Variants in EMCN observed in about 807,000 individuals in gnomAD.
EMCN encodes the protein endomucin.
EMCN carries 37 observed loss-of-function variants against 38.4 expected under a neutral mutation model. That is an observed-to-expected ratio of 0.96 (90% CI 0.74 to 1.27). EMCN has a LOEUF of 1.27. EMCN is among the 50% of genes most tolerant of loss of function. The pLI is 0.00. For missense variants in EMCN, 318 were observed against 302.8 expected, an observed-to-expected ratio of 1.05 and a Z score of -0.37; for synonymous variants, 95 against 100.8, an observed-to-expected ratio of 0.94 and a Z score of 0.35.
chr4:100,510,002 T>C (rs557664547), intron 1 of EMCN, among the ~76,000 whole-genome samples: 1 of 152,346 alleles, frequency 6.6e-6, no homozygotes, highest in East Asian at 1.9e-4. Flanking sequence ...ATCTTTCTTC[T>C]CATTTTTTAC....
At chr4:100,414,544 A>C (rs1726659920) in intron 10 of EMCN, among the ~76,000 whole-genome samples, 1 of 151,896 alleles carries the variant, frequency 6.6e-6, no homozygotes, top group South Asian at 2.1e-4. Context: ...GAATAAAGGA[A>C]ATATGTGTAT....
At chr4:100,415,650 G>T (rs1329738020) in intron 10 of EMCN, among the ~76,000 whole-genome samples, 1 of 152,042 alleles carries the variant, frequency 6.6e-6, no homozygotes, top group Non-Finnish European at 1.5e-5. Flanking sequence ...AATAGGAAAT[G>T]CCTCCAGCCA....
intron 3 of EMCN, among the ~76,000 whole-genome samples, chr4:100,467,292 C>G (rs1728342294): frequency 6.6e-6 from 1 of 152,080 alleles, no homozygotes; most frequent in Non-Finnish European, 1.5e-5. Context: ...CTGCCACAGC[C>G]ACAAATTTTT....
At chr4:100,426,585 C>T (rs1485347436) in intron 5 of EMCN, among the ~76,000 whole-genome samples, 3 of 152,116 alleles carry the variant, frequency 2.0e-5, no homozygotes, top group African/African-American at 7.2e-5. Context: ...TTGAACTCTG[C>T]TTCTCTGAAC....
chr4:100,445,989 A>T (rs1501077), intron 5 of EMCN: 312,769 of 870,112 alleles, frequency 0.36, 59,869 homozygotes, highest in Non-Finnish European at 0.39. Context: ...TTTGTTCCAC[A>T]AAAATCAATT....
chr4:100,444,692 G>T (rs1727619085), intron 5 of EMCN, among the ~76,000 whole-genome samples: 1 of 152,058 alleles, frequency 6.6e-6, no homozygotes, highest in Non-Finnish European at 1.5e-5. Flanking sequence ...TGTTGCAGTG[G>T]TAACAAAACA....
chr4:100,477,792 C>A (rs1041597187), intron 2 of EMCN, among the ~76,000 whole-genome samples: 3 of 137,762 alleles, frequency 2.2e-5, no homozygotes, highest in African/African-American at 8.7e-5. Context: ...ACTACAGATA[C>A]CTTTTTTTTT....
chr4:100,500,985 A>G (rs1171605544), intron 1 of EMCN, among the ~76,000 whole-genome samples: 1 of 152,022 alleles, frequency 6.6e-6, no homozygotes, highest in Non-Finnish European at 1.5e-5. Context: ...TCAGTTATAT[A>G]TACACAGCAA....
intron 11 of EMCN, among the ~76,000 whole-genome samples, chr4:100,404,352 T>C (rs866685108): frequency 1.3e-5 from 2 of 152,074 alleles, no homozygotes; most frequent in Non-Finnish European, 2.9e-5. Context: ...TTGTTAAAGA[T>C]GAGATGGTTA....
intron 8 of EMCN, 136 bp downstream of exon 8, chr4:100,421,146 C>G: frequency 1.2e-6 from 1 of 813,196 alleles, no homozygotes; most frequent in Middle Eastern, 2.3e-4. Context: ...GCCCTTCGTC[C>G]TTTGTTTCTG....
At chr4:100,434,384 A>C (rs13130681) in intron 5 of EMCN, among the ~76,000 whole-genome samples, 1 of 3,526 alleles carries the variant, frequency 2.8e-4, no homozygotes, top group East Asian at 0.022. Flanking sequence ...CCTACCAAGC[A>C]AAAAAAAAAA....
intron 1 of EMCN, among the ~76,000 whole-genome samples, chr4:100,502,553 T>C (rs1421650709): frequency 6.6e-6 from 1 of 152,218 alleles, no homozygotes. Context: ...TCAATTTTGA[T>C]TTTTTCTTTC....
intron 5 of EMCN, among the ~76,000 whole-genome samples, chr4:100,433,611 C>A (rs952280441): frequency 1.3e-5 from 2 of 151,962 alleles, no homozygotes; most frequent in Admixed American, 6.6e-5. Context: ...TTTCGGCCCA[C>A]TGCAACCTCT....
At chr4:100,418,699 T>C (rs571951218) in intron 8 of EMCN, among the ~76,000 whole-genome samples, 2 of 152,264 alleles carry the variant, frequency 1.3e-5, no homozygotes, top group Admixed American at 6.6e-5. Context: ...GTTCCATCCA[T>C]GTTGTTGCAA....
At chr4:100,473,373 G>GTTTTTTTTGT (rs1728540322) in intron 3 of EMCN, among the ~76,000 whole-genome samples, 1 of 66,014 alleles carries the variant, frequency 1.5e-5, no homozygotes, top group African/African-American at 4.6e-5. Flanking sequence ...GTGTTTTTTT[G>GTTTTTTTTGT]TTTTTTTTTT....
At chr4:100,419,951 G>C (rs1376546068) in intron 8 of EMCN, among the ~76,000 whole-genome samples, 1 of 152,034 alleles carries the variant, frequency 6.6e-6, no homozygotes, top group Admixed American at 6.6e-5. Flanking sequence ...TGGTGTCCTG[G>C]GGGGCACACT....
rs1729802667 is a variant in EMCN at position 100,517,938 on chromosome 4, T to A, written c.-24A>T. ...ATGGTGCCCGTAGATGGTGTCAATATCTTCTTTCTCCAGAAGCAGGCAGGG... is the reference window on the plus strand; with the variant it reads ...ATGGTGCCCGTAGATGGTGTCAATAACTTCTTTCTCCAGAAGCAGGCAGGG... On this transcript the variant is annotated 5_prime_UTR_variant, in exon 1 of 12. Transcript: ENST00000296420. 6.2e-7 allele frequency: 1 copy of A among 1,611,214 alleles called. No individual in the cohort carries two copies. Among genetic ancestry groups the A allele is most frequent in the Admixed American group, 1.7e-5 (1 of 59,900 alleles).
chr4:100,512,101 G>A (rs562993337), intron 1 of EMCN, among the ~76,000 whole-genome samples: 4 of 152,304 alleles, frequency 2.6e-5, no homozygotes, highest in South Asian at 2.1e-4. Context: ...ACACCCGTGC[G>A]TAGCTGGTTG....
chr4:100,423,445 A>T, intron 5 of EMCN, 41 bp from the exon 6 acceptor site: 1 of 1,368,888 alleles, frequency 7.3e-7, no homozygotes, highest in Non-Finnish European at 1.0e-6. Flanking sequence ...CTATGGTATT[A>T]AGCCTTCATA....
Sources: gnomAD v4.1 joint callset for allele counts (sites outside exome capture counted in the v4.1 genomes callset) on GRCh38, gnomAD v4.1.1 for gene constraint, MANE v1.5 for transcripts, NCBI Gene and HGNC (gene_info 2026-07-23, HGNC 2026-07-21) for gene names.